KCTD1: variants seen among roughly 807,000 people sequenced by gnomAD.
The protein encoded by KCTD1 is BTB/POZ domain-containing protein KCTD1.
A neutral mutation model predicts 66.0 loss-of-function variants in KCTD1; 24 were observed. The ratio of observed to expected loss-of-function variants is 0.36; its 90% CI spans 0.26 to 0.51. KCTD1 has a LOEUF of 0.51. Ranked by LOEUF, KCTD1 falls within the 20% of genes least tolerant of loss-of-function variation. KCTD1 has a pLI of 0.95. For synonymous variants in KCTD1, 511 were observed against 517.2 expected, an observed-to-expected ratio of 0.99 and a Z score of 0.16; for missense variants, 943 against 1,205.2, an observed-to-expected ratio of 0.78 and a Z score of 3.22.
At chr18:26,656,753 C>T (rs1039290227) in intron 1 of KCTD1, among the ~76,000 whole-genome samples, 1 of 151,134 alleles carries the variant, frequency 6.6e-6, no homozygotes, top group Non-Finnish European at 1.5e-5. Context: ...CAGCCCCGGG[C>T]GCCGCCGCCC....
intron 2 of KCTD1, among the ~76,000 whole-genome samples, chr18:26,496,831 G>T (rs996299584): frequency 1.3e-5 from 2 of 151,960 alleles, no homozygotes; most frequent in Non-Finnish European, 2.9e-5. Context: ...TTTTCTTTTG[G>T]TGAAATGGCC....
chr18:26,619,669 C>A (rs941166993), intron 1 of KCTD1, among the ~76,000 whole-genome samples: 1 of 152,144 alleles, frequency 6.6e-6, no homozygotes, highest in African/African-American at 2.4e-5. Flanking sequence ...GCAATGGGAC[C>A]TGAGGAGACA....
intron 1 of KCTD1, among the ~76,000 whole-genome samples, chr18:26,610,149 A>C (rs2144990369): frequency 6.6e-6 from 1 of 152,232 alleles, no homozygotes; most frequent in Non-Finnish European, 1.5e-5. Context: ...GTCCACTTTG[A>C]GTTACTTTTT....
intron 1 of KCTD1, among the ~76,000 whole-genome samples, chr18:26,619,172 TA>T (rs1245099700): frequency 6.6e-6 from 1 of 152,224 alleles, no homozygotes; most frequent in Admixed American, 6.5e-5. Context: ...GTGTCTTGCT[TA>T]GCTAAGTAGA....
At chr18:26,618,717 C>T (rs534031990) in intron 1 of KCTD1, among the ~76,000 whole-genome samples, 1 of 152,146 alleles carries the variant, frequency 6.6e-6, no homozygotes, top group African/African-American at 2.4e-5. Flanking sequence ...AAAGTAGTTG[C>T]ATTTCTACTG....
intron 1 of KCTD1, among the ~76,000 whole-genome samples, chr18:26,656,501 C>A (rs1285335932): frequency 6.6e-6 from 1 of 151,642 alleles, no homozygotes; most frequent in Non-Finnish European, 1.5e-5. Context: ...TTTAAAGGCG[C>A]CTGGGTGGGC....
chr18:26,492,697 G>C (rs1982269836), intron 2 of KCTD1, among the ~76,000 whole-genome samples: 1 of 152,078 alleles, frequency 6.6e-6, no homozygotes, highest in Non-Finnish European at 1.5e-5. Context: ...GCATCATGGA[G>C]TCAGAGTGGG....
upstream of KCTD1, chr18:26,548,724 A>AG (rs1440207132): frequency 4.8e-6 from 2 of 416,674 alleles, no homozygotes; most frequent in Non-Finnish European, 5.7e-6. Flanking sequence ...GATGGAGGGG[A>AG]GGGGGGAGGG....
chr18:26,631,982 G>A (rs571078228), upstream of KCTD1, among the ~76,000 whole-genome samples: 3 of 152,136 alleles, frequency 2.0e-5, no homozygotes, highest in South Asian at 4.1e-4. Flanking sequence ...CCCGGCAGGC[G>A]GAGCTTGAAG....
chr18:26,480,677 G>C (rs753684266), intron 2 of KCTD1, among the ~76,000 whole-genome samples: 4 of 152,098 alleles, frequency 2.6e-5, no homozygotes, highest in Admixed American at 1.3e-4. Context: ...TTGAGGCAGA[G>C]AACTGCCTGA....
At chr18:26,644,674 C>T (rs558571384), upstream of KCTD1, among the ~76,000 whole-genome samples, 1 of 151,740 alleles carries the variant, frequency 6.6e-6, no homozygotes, top group East Asian at 1.9e-4. Context: ...AGGAGAATCA[C>T]TTGAACCTGG....
Position 26,514,242 on chromosome 18 carries a change from A to C in KCTD1, c.1810-12992T>G, listed in dbSNP as rs1598909956. 2.6e-5 allele frequency among the ~76,000 whole-genome samples: 4 copies of C among 152,144 alleles called. No homozygotes were observed. In the South Asian group the frequency reaches 6.2e-4, roughly 24 times the overall value. ...TTTCCAAAAGATATATTTGGTAATAAAAATTTTTAAAGGTGTGGGGGAGGA... is the reference window on the plus strand; with the variant it reads ...TTTCCAAAAGATATATTTGGTAATACAAATTTTTAAAGGTGTGGGGGAGGA... On this transcript the variant is annotated intron_variant, in intron 1 of 4. Transcript: ENST00000580059.
chr18:26,490,563 T>C (rs1434037097), intron 2 of KCTD1, among the ~76,000 whole-genome samples: 1 of 152,202 alleles, frequency 6.6e-6, no homozygotes, highest in Non-Finnish European at 1.5e-5. Context: ...CTCTAGCACC[T>C]AAGACTCAAA....
At chr18:26,548,632 G>A, upstream of KCTD1, 1 of 1,151,810 alleles carries the variant, frequency 8.7e-7, no homozygotes, top group Non-Finnish European at 1.1e-6. Context: ...CAGCTACCGG[G>A]AGGCAAAGCC....
chr18:26,645,775 C>T (rs11876378), intron 1 of KCTD1, among the ~76,000 whole-genome samples: 1,897 of 152,120 alleles, frequency 0.012, 48 homozygotes, highest in African/African-American at 0.043. Context: ...TCTCAAAGTG[C>T]GGTCCCTCGG....
upstream of KCTD1, among the ~76,000 whole-genome samples, chr18:26,642,964 T>C (rs2145065196): frequency 6.6e-6 from 1 of 152,128 alleles, no homozygotes; most frequent in South Asian, 2.1e-4. Flanking sequence ...CAAAGGGAAG[T>C]GGAAGCAGGA....
At chr18:26,549,388 G>C, upstream of KCTD1, 1 of 985,530 alleles carries the variant, frequency 1.0e-6, no homozygotes, top group Non-Finnish European at 1.2e-6. Flanking sequence ...TGTCATTAAA[G>C]ACCTGGGGCG....
At position 26,455,572 on chromosome 18, in the gene KCTD1, C is replaced by T; in HGVS notation, c.*171G>A. Reference sequence around the variant, plus strand: ...TTTACACCTTGAGGATATCACTATTCCAATTGTTCCCATATGAATACAGGT... The same window carrying T: ...TTTACACCTTGAGGATATCACTATTTCAATTGTTCCCATATGAATACAGGT... On this transcript the variant is annotated 3_prime_UTR_variant, in exon 5 of 5. Coordinates refer to ENST00000580059, the MANE Select transcript of KCTD1 (RefSeq NM_001142730.3). 1 of 600,536 alleles carries T rather than the reference C, an allele frequency of 1.7e-6. No homozygotes were observed. Among genetic ancestry groups the T allele is most frequent in the Non-Finnish European group, 2.8e-6 (1 of 354,076 alleles). The allele number at this position is 600,536 out of a possible 1,614,324, so 37.2% of individuals were successfully genotyped here.
At chr18:26,541,212 G>T (rs1984957987) in intron 1 of KCTD1, among the ~76,000 whole-genome samples, 1 of 152,180 alleles carries the variant, frequency 6.6e-6, no homozygotes, top group Admixed American at 6.5e-5. Context: ...CAAAGTCCCT[G>T]CCTGGAGAAA....
Sources: allele counts gnomAD v4.1 joint callset (sites outside exome capture counted in the v4.1 genomes callset), GRCh38; gene constraint gnomAD v4.1.1; transcripts MANE v1.5; gene names NCBI Gene and HGNC (gene_info 2026-07-23, HGNC 2026-07-21).